DLGAP1: variants seen among roughly 807,000 people sequenced by gnomAD.
DLGAP1 encodes DLG associated protein 1.
DLGAP1 carries 11 observed loss-of-function variants against 90.8 expected under a neutral mutation model. The ratio of observed to expected loss-of-function variants is 0.12; its 90% confidence interval spans 0.08 to 0.20. The LOEUF is 0.20. Among genes scored for constraint, DLGAP1 ranks in the 10% least tolerant of loss-of-function variants. DLGAP1 has a pLI of 1.00. For missense variants in DLGAP1, 1,050 were observed against 1,333.8 expected, an observed-to-expected ratio of 0.79 and a Z score of 3.31; for synonymous variants, 558 against 540.7, an observed-to-expected ratio of 1.03 and a Z score of -0.44.
intron 1 of DLGAP1, among the ~76,000 whole-genome samples, chr18:4,300,206 T>A: frequency 6.6e-6 from 1 of 152,306 alleles, no homozygotes; most frequent in East Asian, 1.9e-4. Flanking sequence ...TTAAACTTAT[T>A]ATTTACCTTA....
intron 4 of DLGAP1, among the ~76,000 whole-genome samples, chr18:3,870,278 G>A (rs543904575): frequency 1.3e-5 from 2 of 152,298 alleles, no homozygotes; most frequent in African/African-American, 2.4e-5. Flanking sequence ...AATATTCAAT[G>A]ATAGAGCAAG....
At chr18:4,392,679 T>C (rs1227040576) in intron 1 of DLGAP1, among the ~76,000 whole-genome samples, 1 of 152,142 alleles carries the variant, frequency 6.6e-6, no homozygotes, top group Non-Finnish European at 1.5e-5. Flanking sequence ...TCTACAGTGA[T>C]TGTAGGCCCA....
intron 1 of DLGAP1, among the ~76,000 whole-genome samples, chr18:4,228,474 A>G (rs975452883): frequency 2.0e-5 from 3 of 152,094 alleles, no homozygotes; most frequent in Non-Finnish European, 4.4e-5. Flanking sequence ...CCAACAACAC[A>G]TTAAAAACAT....
chr18:3,850,383 C>T (rs1310678581), intron 4 of DLGAP1, among the ~76,000 whole-genome samples: 2 of 149,244 alleles, frequency 1.3e-5, no homozygotes, highest in Non-Finnish European at 3.0e-5. Flanking sequence ...CAGAGCAAGA[C>T]TCCATCTCAA....
intron 3 of DLGAP1, among the ~76,000 whole-genome samples, chr18:3,884,411 C>T (rs1337290921): frequency 6.6e-6 from 1 of 152,178 alleles, no homozygotes; most frequent in Non-Finnish European, 1.5e-5. Flanking sequence ...AACTTTCCTT[C>T]TCAAGCAGTT....
chr18:4,101,297 G>C (rs2075774212), intron 2 of DLGAP1, among the ~76,000 whole-genome samples: 1 of 152,142 alleles, frequency 6.6e-6, no homozygotes, highest in Non-Finnish European at 1.5e-5. Context: ...GAAGGCATGA[G>C]AAGAGGCATG....
At chr18:3,748,362 A>G (rs1364326608) in intron 5 of DLGAP1, among the ~76,000 whole-genome samples, 1 of 152,272 alleles carries the variant, frequency 6.6e-6, no homozygotes, top group Admixed American at 6.5e-5. Context: ...GTCTCAAAAG[A>G]CAAAATGACT....
intron 2 of DLGAP1, among the ~76,000 whole-genome samples, chr18:4,021,914 T>C (rs1041761910): frequency 2.6e-5 from 4 of 152,204 alleles, no homozygotes; most frequent in Non-Finnish European, 4.4e-5. Context: ...GGTATTTCTT[T>C]ATAGCAACAC....
chr18:3,748,048 T>C (rs367997604), intron 5 of DLGAP1, among the ~76,000 whole-genome samples: 242 of 152,366 alleles, frequency 1.6e-3, no homozygotes, highest in African/African-American at 5.5e-3. Flanking sequence ...AACTCTCTCA[T>C]GTTACGTTAA....
At chr18:3,864,748 T>C (rs2070283956) in intron 4 of DLGAP1, among the ~76,000 whole-genome samples, 1 of 152,162 alleles carries the variant, frequency 6.6e-6, no homozygotes, top group Non-Finnish European at 1.5e-5. Flanking sequence ...TCTACTGATA[T>C]TCTCTAACAG....
intron 1 of DLGAP1, among the ~76,000 whole-genome samples, chr18:4,354,332 GA>G (rs2081461020): frequency 6.6e-6 from 1 of 152,136 alleles, no homozygotes; most frequent in South Asian, 2.1e-4. Context: ...TGGTCATAGA[GA>G]AATCTGACCT....
chr18:3,628,363 T>G (rs2058392203), intron 7 of DLGAP1, among the ~76,000 whole-genome samples: 1 of 151,744 alleles, frequency 6.6e-6, no homozygotes, highest in South Asian at 2.1e-4. Flanking sequence ...ACGATTTTTG[T>G]ATTTTCAGTA....
chr18:4,333,265 G>T (rs1360645083), intron 1 of DLGAP1, among the ~76,000 whole-genome samples: 4 of 150,230 alleles, frequency 2.7e-5, no homozygotes, highest in African/African-American at 1.0e-4. Flanking sequence ...TCACTTACAG[G>T]TTTACGGCAG....
intron 5 of DLGAP1, among the ~76,000 whole-genome samples, chr18:3,747,885 C>T (rs1380102883): frequency 1.3e-5 from 2 of 152,192 alleles, no homozygotes; most frequent in Admixed American, 1.3e-4. Flanking sequence ...GAGCCCTCCG[C>T]TATCAATATA....
At chr18:3,941,494 A>G (rs191464893) in intron 3 of DLGAP1, among the ~76,000 whole-genome samples, 59 of 152,326 alleles carry the variant, frequency 3.9e-4, no homozygotes, top group Admixed American at 3.5e-3. Flanking sequence ...TATTAATAGA[A>G]TAGGCCAGAG....
chr18:3,865,110 G>T (rs1219573492), intron 4 of DLGAP1, among the ~76,000 whole-genome samples: 6 of 152,088 alleles, frequency 3.9e-5, no homozygotes, highest in Admixed American at 2.6e-4. Flanking sequence ...CTGTAAGTCT[G>T]GATTTTGGGT....
Position 3,739,281 on chromosome 18 carries a change from T to C in DLGAP1, c.1350+3054A>G, listed in dbSNP as rs1226855268. On this transcript the variant is annotated intron_variant, in intron 6 of 12. Transcript: ENST00000315677. ...CCCAGCCATCCAATTACTGGGTATATACCCAAAGGACTATAAATCATGCTG... is the reference window on the plus strand; with the variant it reads ...CCCAGCCATCCAATTACTGGGTATACACCCAAAGGACTATAAATCATGCTG... Among the ~76,000 whole-genome samples the C allele has an allele frequency of 1.4e-4, 21 of 151,240 alleles. No homozygotes were observed. In the South Asian group the frequency reaches 4.2e-3, roughly 30 times the overall value.
chr18:3,870,115 G>C (rs1466430869), intron 4 of DLGAP1, among the ~76,000 whole-genome samples: 1 of 152,116 alleles, frequency 6.6e-6, no homozygotes, highest in Non-Finnish European at 1.5e-5. Flanking sequence ...CTAGAACTGG[G>C]TTACTTAAAA....
rs1483001181 is a variant in DLGAP1 at position 4,104,939 on chromosome 18, TCAAA to T, written c.-159+46237_-159+46240del. ...TGTTAACTTTGAGCAAATGCAACCATCAAACAGACAATGGAAATGCCTAGTGCCT... is the reference window on the plus strand; with the variant it reads ...TGTTAACTTTGAGCAAATGCAACCATCAGACAATGGAAATGCCTAGTGCCT... On this transcript the variant is annotated intron_variant, in intron 2 of 12. Coordinates refer to ENST00000315677, the MANE Select transcript of DLGAP1 (RefSeq NM_004746.4). Among the ~76,000 whole-genome samples, 3 of 152,140 alleles carry T rather than the reference TCAAA, an allele frequency of 2.0e-5. No homozygotes were observed. The East Asian group carries it at 5.8e-4, about 29-fold the overall frequency.
Sources: allele counts gnomAD v4.1 joint callset (sites outside exome capture counted in the v4.1 genomes callset), GRCh38; gene constraint gnomAD v4.1.1; transcripts MANE v1.5; gene names NCBI Gene and HGNC (gene_info 2026-07-23, HGNC 2026-07-21).